Variants in BACH2 observed in about 807,000 individuals in gnomAD.
BACH2 encodes transcription regulator protein BACH2.
A neutral mutation model predicts 61.8 loss-of-function variants in BACH2; 5 were observed. The observed-to-expected ratio is 0.08, with a 90% CI of 0.04 to 0.17. BACH2 has a LOEUF of 0.17. Ranked by LOEUF, BACH2 falls within the 10% of genes least tolerant of loss-of-function variation. The probability of loss-of-function intolerance (pLI) is 1.00; values close to 1 mark genes in which losing one functional copy is unlikely to be tolerated. For synonymous variants in BACH2, 446 were observed against 440.1 expected, an observed-to-expected ratio of 1.01 and a Z score of -0.17; for missense variants, 824 against 1,091.1, an observed-to-expected ratio of 0.76 and a Z score of 3.45.
rs1358400974 is a variant in BACH2 at position 89,930,135 on chromosome 6, AC to A, written c.*2272del. 2 of 147,784 alleles carry A rather than the reference AC, an allele frequency of 1.4e-5. No homozygotes were observed. Among genetic ancestry groups the A allele is most frequent in the Non-Finnish European group, 3.0e-5 (2 of 66,896 alleles). The allele number at this position is 147,784 out of a possible 1,614,324, so 9.2% of individuals were successfully genotyped here. ...TTCAGACACACACACACACACACACACACACACACACACACACACACACACA... is the reference window on the plus strand; with the variant it reads ...TTCAGACACACACACACACACACACAACACACACACACACACACACACACA... On this transcript the variant is annotated 3_prime_UTR_variant, in exon 9 of 9. Transcript: ENST00000257749.
intron 4 of BACH2, among the ~76,000 whole-genome samples, chr6:90,181,882 T>G (rs1768178242): frequency 6.6e-6 from 1 of 152,022 alleles, no homozygotes; most frequent in Non-Finnish European, 1.5e-5. Flanking sequence ...GAACCAGAAC[T>G]TGTACCTAGG....
At chr6:90,056,857 T>G (rs2127796803) in intron 5 of BACH2, among the ~76,000 whole-genome samples, 1 of 152,316 alleles carries the variant, frequency 6.6e-6, no homozygotes, top group Admixed American at 6.5e-5. Context: ...CTGAACAACC[T>G]GCTCCTGAAT....
At chr6:89,945,673 G>T (rs1382228284) in intron 7 of BACH2, among the ~76,000 whole-genome samples, 1 of 152,152 alleles carries the variant, frequency 6.6e-6, no homozygotes, top group Non-Finnish European at 1.5e-5. Flanking sequence ...CCACTGAATT[G>T]TTCATCTTAG....
chr6:90,277,693 A>G (rs1293639471), intron 1 of BACH2, among the ~76,000 whole-genome samples: 2 of 152,268 alleles, frequency 1.3e-5, no homozygotes, highest in African/African-American at 2.4e-5. Flanking sequence ...ACAGACTTAC[A>G]GGAATGAAAA....
intron 4 of BACH2, among the ~76,000 whole-genome samples, chr6:90,137,519 A>G (rs538453325): frequency 6.6e-6 from 1 of 152,330 alleles, no homozygotes; most frequent in Admixed American, 6.5e-5. Context: ...CAGAAAAACA[A>G]TGAGAACCAA....
At chr6:90,156,143 T>C (rs1784989025) in intron 4 of BACH2, among the ~76,000 whole-genome samples, 1 of 152,122 alleles carries the variant, frequency 6.6e-6, no homozygotes, top group Non-Finnish European at 1.5e-5. Context: ...CTGACCAGCC[T>C]TGCATATCTG....
At chr6:90,078,861 G>GTGCCACACTGTC (rs1370265557) in intron 5 of BACH2, among the ~76,000 whole-genome samples, 2 of 152,124 alleles carry the variant, frequency 1.3e-5, no homozygotes, top group African/African-American at 2.4e-5. Context: ...TGTAACCACT[G>GTGCCACACTGTC]TGCCACACTG....
At chr6:90,073,341 T>A (rs907544292) in intron 5 of BACH2, among the ~76,000 whole-genome samples, 16 of 152,226 alleles carry the variant, frequency 1.1e-4, no homozygotes, top group Non-Finnish European at 2.4e-4. Flanking sequence ...GGTACATGCA[T>A]AATTAAAGAT....
At chr6:89,944,501 A>C (rs74796202) in intron 7 of BACH2, among the ~76,000 whole-genome samples, 108 of 152,376 alleles carry the variant, frequency 7.1e-4, no homozygotes, top group African/African-American at 2.4e-3. Flanking sequence ...TATTAAGCAG[A>C]CCAATTACAG....
chr6:90,034,391 A>G (rs976812907), intron 5 of BACH2, among the ~76,000 whole-genome samples: 1 of 152,178 alleles, frequency 6.6e-6, no homozygotes, highest in African/African-American at 2.4e-5. Flanking sequence ...TGTAGTCTTC[A>G]CAGAGTGATC....
At chr6:90,233,084 G>A (rs1157446606) in intron 3 of BACH2, among the ~76,000 whole-genome samples, 1 of 152,180 alleles carries the variant, frequency 6.6e-6, no homozygotes, top group Non-Finnish European at 1.5e-5. Context: ...TCACAGAGAA[G>A]CTGAAGCAAC....
chr6:89,956,250 G>A (rs10806414), intron 6 of BACH2, among the ~76,000 whole-genome samples: 31,460 of 152,100 alleles, frequency 0.21, 3,307 homozygotes, highest in South Asian at 0.26. Flanking sequence ...TGATACAGAT[G>A]AGATGGGATC....
chr6:89,947,879 CT>C (rs1562315590), intron 7 of BACH2, among the ~76,000 whole-genome samples: 1 of 152,030 alleles, frequency 6.6e-6, no homozygotes, highest in East Asian at 1.9e-4. Context: ...CCATGGATTC[CT>C]TTTTTAAAGG....
chr6:90,093,018 G>C (rs1383560226), intron 4 of BACH2, among the ~76,000 whole-genome samples: 1 of 152,180 alleles, frequency 6.6e-6, no homozygotes, highest in Non-Finnish European at 1.5e-5. Flanking sequence ...CCAGAGATGA[G>C]ACAGACATTA....
At chr6:90,105,899 T>A (rs1465273475) in intron 4 of BACH2, among the ~76,000 whole-genome samples, 6 of 152,214 alleles carry the variant, frequency 3.9e-5, no homozygotes, top group Non-Finnish European at 7.3e-5. Flanking sequence ...TTATCCCACA[T>A]TACAACTACA....
chr6:90,129,816 G>A (rs975386682), intron 4 of BACH2, among the ~76,000 whole-genome samples: 1 of 151,798 alleles, frequency 6.6e-6, no homozygotes, highest in Non-Finnish European at 1.5e-5. Flanking sequence ...CATTGATTTT[G>A]TATCCTGAGA....
chr6:90,128,518 T>C (rs941132139), intron 4 of BACH2, among the ~76,000 whole-genome samples: 18 of 150,980 alleles, frequency 1.2e-4, no homozygotes, highest in Admixed American at 9.2e-4. Context: ...GGGGCGGAGG[T>C]TGCAGTGAGC....
intron 4 of BACH2, among the ~76,000 whole-genome samples, chr6:90,181,844 C>T (rs981766528): frequency 6.6e-6 from 1 of 152,060 alleles, no homozygotes; most frequent in African/African-American, 2.4e-5. Context: ...AAACTTGCCC[C>T]AAGTCCCATA....
chr6:90,242,697 A>T (rs754517020), intron 3 of BACH2, among the ~76,000 whole-genome samples: 1 of 152,170 alleles, frequency 6.6e-6, no homozygotes, highest in African/African-American at 2.4e-5. Context: ...ATCATTTTCA[A>T]TATCTAAAAA....
Sources: allele counts gnomAD v4.1 joint callset (sites outside exome capture counted in the v4.1 genomes callset), GRCh38; gene constraint gnomAD v4.1.1; transcripts MANE v1.5; gene names NCBI Gene and HGNC (gene_info 2026-07-23, HGNC 2026-07-21).